The following CDH13 variants were observed in gnomAD, a reference collection of about 807,000 sequenced individuals.
The protein encoded by CDH13 is cadherin-13.
Under a neutral mutation model 63.8 loss-of-function variants are expected in CDH13, and 24 were observed. The observed-to-expected ratio is 0.38, with a 90% confidence interval of 0.27 to 0.53. CDH13 has a LOEUF of 0.53. Among genes scored for constraint, CDH13 ranks in the 20% least tolerant of loss-of-function variants. The pLI is 0.85. For missense variants in CDH13, 1,049 were observed against 903.1 expected (o/e 1.16, Z -2.07); for synonymous variants, 503 against 355.3 (o/e 1.42, Z -4.67).
At chr16:82,986,670 C>T (rs1311877332) in intron 2 of CDH13, among the ~76,000 whole-genome samples, 3 of 152,188 alleles carry the variant, frequency 2.0e-5, no homozygotes, top group South Asian at 2.1e-4. Context: ...GCAAGTCCAA[C>T]CACACAAACA....
At chr16:83,321,560 A>T (rs921577264) in intron 5 of CDH13, among the ~76,000 whole-genome samples, 2 of 112,516 alleles carry the variant, frequency 1.8e-5, no homozygotes, top group African/African-American at 7.2e-5. Flanking sequence ...ACGGAGTCTC[A>T]CTCTGTCGCC....
intron 1 of CDH13, among the ~76,000 whole-genome samples, chr16:82,802,288 C>T (rs1167040182): frequency 1.3e-5 from 2 of 152,092 alleles, no homozygotes; most frequent in African/African-American, 2.4e-5. Flanking sequence ...CAGTATGTAG[C>T]GGGGACAACA....
chr16:83,492,367 A>G (rs115794863), intron 7 of CDH13, among the ~76,000 whole-genome samples: 14 of 152,306 alleles, frequency 9.2e-5, no homozygotes, highest in African/African-American at 1.9e-4. Flanking sequence ...ACACAATTCA[A>G]TCATGCTGTC....
At chr16:82,799,371 C>T (rs1407077797) in intron 1 of CDH13, among the ~76,000 whole-genome samples, 1 of 152,188 alleles carries the variant, frequency 6.6e-6, no homozygotes, top group Non-Finnish European at 1.5e-5. Context: ...ATCACTTCCT[C>T]TTGCCAAATT....
intron 2 of CDH13, among the ~76,000 whole-genome samples, chr16:82,915,300 C>T (rs145807142): frequency 1.3e-5 from 2 of 152,298 alleles, no homozygotes; most frequent in African/African-American, 2.4e-5. Context: ...CCTCCAGTTA[C>T]AGGGAGAATG....
At chr16:83,169,475 A>T (rs2037830354) in intron 4 of CDH13, among the ~76,000 whole-genome samples, 1 of 151,926 alleles carries the variant, frequency 6.6e-6, no homozygotes, top group African/African-American at 2.4e-5. Context: ...CACCCGGCCA[A>T]GCTTTCTTAA....
intron 3 of CDH13, among the ~76,000 whole-genome samples, chr16:83,086,704 C>T (rs770884975): frequency 3.9e-5 from 6 of 152,186 alleles, no homozygotes; most frequent in Non-Finnish European, 7.3e-5. Context: ...GAAGTAAGTG[C>T]ACACCACCAG....
chr16:83,578,581 G>C lies in CDH13; in HGVS notation c.961-23873G>C, dbSNP rs112689909. On this transcript the variant is annotated intron_variant, in intron 7 of 13. Transcript: ENST00000567109. The stretch of plus-strand genomic sequence containing the variant: ...CAGGTCCAGTTTGGAGAGGTACTAA[G>C]GGCAGTAAATATTCATTCAGGCATT... Among the ~76,000 whole-genome samples, 487 of 152,250 alleles carry C rather than the reference G, an allele frequency of 3.2e-3. 3 individuals carry two copies. The highest frequency in any genetic ancestry group is 0.011 in the African/African-American group (466 of 41,548).
intron 1 of CDH13, among the ~76,000 whole-genome samples, chr16:82,687,473 G>A (rs1915195377): frequency 6.6e-6 from 1 of 152,098 alleles, no homozygotes; most frequent in South Asian, 2.1e-4. Context: ...GGCTGGGGAG[G>A]CCTCACAATC....
chr16:82,714,977 T>C (rs988205890), intron 1 of CDH13, among the ~76,000 whole-genome samples: 1 of 132,668 alleles, frequency 7.5e-6, no homozygotes, highest in Admixed American at 8.9e-5. Context: ...CCAGCCAGTG[T>C]GTGATACTTT....
At chr16:82,792,134 A>G (rs1221228789) in intron 1 of CDH13, among the ~76,000 whole-genome samples, 5 of 152,056 alleles carry the variant, frequency 3.3e-5, no homozygotes, top group African/African-American at 9.7e-5. Flanking sequence ...TAAACCATCC[A>G]TCTCTGAGCC....
At chr16:82,940,935 T>A (rs1904279594) in intron 2 of CDH13, among the ~76,000 whole-genome samples, 1 of 152,218 alleles carries the variant, frequency 6.6e-6, no homozygotes, top group Admixed American at 6.5e-5. Flanking sequence ...CAAATGTGTT[T>A]GAATCACTGT....
chr16:82,984,920 A>G (rs1198238072), intron 2 of CDH13, among the ~76,000 whole-genome samples: 1 of 151,948 alleles, frequency 6.6e-6, no homozygotes, highest in African/African-American at 2.4e-5. Context: ...AATTGTCACA[A>G]CTCTCCAGCA....
chr16:83,629,086 T>A (rs1335226101), intron 8 of CDH13, among the ~76,000 whole-genome samples: 2 of 152,194 alleles, frequency 1.3e-5, no homozygotes, highest in East Asian at 3.9e-4. Flanking sequence ...AAAAATGATT[T>A]TTGTATTTGT....
chr16:83,569,379 A>G (rs540832293), intron 7 of CDH13, among the ~76,000 whole-genome samples: 2 of 152,314 alleles, frequency 1.3e-5, no homozygotes, highest in Non-Finnish European at 2.9e-5. Context: ...GCTCAGGGCT[A>G]TCTCTGACAA....
At chr16:83,256,049 C>G (rs529117558) in intron 5 of CDH13, among the ~76,000 whole-genome samples, 2 of 152,098 alleles carry the variant, frequency 1.3e-5, no homozygotes, top group South Asian at 4.2e-4. Flanking sequence ...TTATTTTTTT[C>G]TTGAGACAGG....
At chr16:83,350,268 T>C (rs1220452425) in intron 6 of CDH13, among the ~76,000 whole-genome samples, 1 of 152,148 alleles carries the variant, frequency 6.6e-6, no homozygotes, top group Non-Finnish European at 1.5e-5. Context: ...GCTGGGAGAA[T>C]GGCAGCCCCC....
chr16:83,711,896 G>A (rs1359488401), intron 10 of CDH13, among the ~76,000 whole-genome samples: 1 of 152,194 alleles, frequency 6.6e-6, no homozygotes, highest in South Asian at 2.1e-4. Flanking sequence ...AGACTGAGCA[G>A]CTTAAGTAGC....
chr16:83,142,236 C>T (rs185972591), intron 4 of CDH13, among the ~76,000 whole-genome samples: 2 of 148,804 alleles, frequency 1.3e-5, no homozygotes, highest in Admixed American at 1.4e-4. Context: ...TCTCAGCTCA[C>T]CACAGCCTCC....
Sources: gnomAD v4.1 joint callset for allele counts (sites outside exome capture counted in the v4.1 genomes callset) on GRCh38, gnomAD v4.1.1 for gene constraint, MANE v1.5 for transcripts, NCBI Gene and HGNC (gene_info 2026-07-23, HGNC 2026-07-21) for gene names.